Variants in CADPS observed in about 807,000 individuals in gnomAD.
The protein encoded by CADPS is calcium-dependent secretion activator 1.
In CADPS, 57 loss-of-function variants were observed where a neutral mutation model predicts 167.3. The observed-to-expected ratio is 0.34, with a 90% confidence interval of 0.28 to 0.42. CADPS has a LOEUF of 0.42. Among genes scored for constraint, CADPS ranks in the 20% least tolerant of loss-of-function variants. The probability of loss-of-function intolerance (pLI) is 1.00; values close to 1 mark genes in which losing one functional copy is unlikely to be tolerated. For synonymous variants in CADPS, 676 were observed against 635.3 expected (o/e 1.06, Z -0.96); for missense variants, 1,414 against 1,738.1 (o/e 0.81, Z 3.32).
intron 3 of CADPS, among the ~76,000 whole-genome samples, chr3:62,698,945 T>A (rs980031174): frequency 6.6e-6 from 1 of 151,760 alleles, no homozygotes; most frequent in Non-Finnish European, 1.5e-5. Context: ...TTTTGTTTTT[T>A]GTCACTACGG....
intron 17 of CADPS, among the ~76,000 whole-genome samples, chr3:62,506,495 T>C (rs548226416): frequency 6.6e-6 from 1 of 152,362 alleles, no homozygotes; most frequent in Admixed American, 6.5e-5. Context: ...GTAATGGTTT[T>C]TCTTCTCTAA....
chr3:62,688,661 C>T (rs988677723), intron 3 of CADPS, among the ~76,000 whole-genome samples: 1 of 152,098 alleles, frequency 6.6e-6, no homozygotes, highest in Admixed American at 6.5e-5. Context: ...AAATACCTTC[C>T]TGTCCTAGTC....
In CADPS at chr3:62,432,694, C is replaced by T. The variant is rs531970190; in HGVS notation, c.3777+5410G>A. The stretch of plus-strand genomic sequence containing the variant: ...GCTGCAGATTCATATGGCATTTCAC[C>T]CTCATAATAACTCCACGATTATCAT... On this transcript the variant is annotated intron_variant, in intron 28 of 29. Coordinates refer to ENST00000383710, the MANE Select transcript of CADPS (RefSeq NM_003716.4). Among the ~76,000 whole-genome samples, 6 of 152,244 alleles carry T rather than the reference C, an allele frequency of 3.9e-5. No individual in the cohort carries two copies. In the South Asian group the frequency reaches 1.2e-3, roughly 32 times the overall value.
chr3:62,711,776 T>C (rs910177766), intron 3 of CADPS, among the ~76,000 whole-genome samples: 2 of 152,238 alleles, frequency 1.3e-5, no homozygotes, highest in Non-Finnish European at 2.9e-5. Context: ...GTTTGTTTAT[T>C]GATTCATTCA....
intron 1 of CADPS, among the ~76,000 whole-genome samples, chr3:62,773,830 G>T (rs2089570353): frequency 6.6e-6 from 1 of 151,950 alleles, no homozygotes; most frequent in South Asian, 2.1e-4. Flanking sequence ...AAAAAATTTA[G>T]GGTAGCAGCT....
intron 6 of CADPS, among the ~76,000 whole-genome samples, chr3:62,607,546 G>C (rs1030616981): frequency 2.0e-5 from 3 of 152,196 alleles, no homozygotes; most frequent in Non-Finnish European, 4.4e-5. Flanking sequence ...GTCTCTGAAT[G>C]GGGACCCAAA....
intron 3 of CADPS, among the ~76,000 whole-genome samples, chr3:62,698,373 A>C (rs2080738223): frequency 6.6e-6 from 1 of 152,100 alleles, no homozygotes; most frequent in South Asian, 2.1e-4. Context: ...TGTGTGACAC[A>C]GTTCTTCTGG....
intron 10 of CADPS, among the ~76,000 whole-genome samples, chr3:62,554,900 G>T (rs1026325517): frequency 6.6e-6 from 1 of 151,988 alleles, no homozygotes; most frequent in Non-Finnish European, 1.5e-5. Flanking sequence ...TTACAGGTGC[G>T]TGCCACCACG....
intron 6 of CADPS, among the ~76,000 whole-genome samples, chr3:62,609,501 C>T (rs2061188546): frequency 6.6e-6 from 1 of 152,140 alleles, no homozygotes; most frequent in African/African-American, 2.4e-5. Flanking sequence ...TCTAGAGATG[C>T]TGTGGTTATA....
At chr3:62,437,355 T>C (rs1560370053) in intron 28 of CADPS, among the ~76,000 whole-genome samples, 1 of 151,578 alleles carries the variant, frequency 6.6e-6, no homozygotes, top group East Asian at 1.9e-4. Flanking sequence ...TTTTTTTTTT[T>C]TTTTCTTTTT....
chr3:62,753,845 C>A lies in CADPS; in HGVS notation c.556-72G>T. The A allele has an allele frequency of 3.5e-6, 5 of 1,421,498 alleles. No individual in the cohort carries two copies. The highest frequency in any genetic ancestry group is 4.8e-6 in the Non-Finnish European group (5 of 1,046,388). The allele number at this position is 1,421,498 out of a possible 1,614,324, so 88.1% of individuals were successfully genotyped here. ...GAGGTACCAGTTCCCTGGGGCTGGACACTGGGCCAGTCCACCTCACGTGCA... is the reference window on the plus strand; with the variant it reads ...GAGGTACCAGTTCCCTGGGGCTGGAAACTGGGCCAGTCCACCTCACGTGCA... On this transcript the variant is annotated intron_variant, in intron 2 of 29. Transcript: ENST00000383710. This position sits in a 1 kb window ranked among gnomAD's most constrained non-coding sequence, Gnocchi z 4.6.
chr3:62,665,598 G>A (rs2074259044), intron 3 of CADPS, among the ~76,000 whole-genome samples: 1 of 152,178 alleles, frequency 6.6e-6, no homozygotes, highest in Non-Finnish European at 1.5e-5. Context: ...ACCTCACTTT[G>A]TTCCTTGTAG....
At chr3:62,778,517 A>C (rs910665937) in intron 1 of CADPS, among the ~76,000 whole-genome samples, 1 of 152,154 alleles carries the variant, frequency 6.6e-6, no homozygotes. Context: ...CCTCTGAATG[A>C]TACCTCTTTA....
intron 6 of CADPS, among the ~76,000 whole-genome samples, chr3:62,632,365 T>C (rs755041413): frequency 4.5e-4 from 68 of 152,174 alleles, no homozygotes; most frequent in Non-Finnish European, 9.1e-4. Context: ...TTTAAAAATG[T>C]AGCCAATAAT....
chr3:62,747,908 G>A (rs964608896), intron 3 of CADPS, among the ~76,000 whole-genome samples: 2 of 152,020 alleles, frequency 1.3e-5, no homozygotes, highest in African/African-American at 2.4e-5. Context: ...ACCAGAAATG[G>A]CATTTTCAAA....
At position 62,855,635 on chromosome 3, in the gene CADPS, G is replaced by C. The variant is rs556344454; in HGVS notation, c.441+18954C>G. Among the ~76,000 whole-genome samples, 86 of 152,228 alleles carry C rather than the reference G, an allele frequency of 5.6e-4. 1 individual carries two copies. Among genetic ancestry groups the C allele is most frequent in the Middle Eastern group, 3.4e-3 (1 of 294 alleles). On this transcript the variant is annotated intron_variant, in intron 1 of 29. Transcript: ENST00000383710. The stretch of plus-strand genomic sequence containing the variant: ...ATGGTTAACTTAAAAATATTTAGCT[G>C]AAGTAGCAAGTCACAAAACGTAAGT...
rs759341357 is a variant in CADPS, at chr3:62,466,659, A to G, written c.3478-246T>C. On this transcript the variant is annotated intron_variant, in intron 24 of 29. Transcript: ENST00000383710. ...GGCTTTCGATGCTTCTAATGTGTGT[A>G]GACACTTAAACACTTTTACAAATAG... The G allele has an allele frequency of 2.1e-4, 106 of 514,602 alleles. 1 individual carries two copies. Among genetic ancestry groups the G allele is most frequent in the Non-Finnish European group, 3.5e-5 (10 of 285,104 alleles). 31.9% of individuals were successfully genotyped at this position (514,602 alleles called of 1,614,324 possible).
chr3:62,658,799 T>G (rs2072397067), intron 4 of CADPS, among the ~76,000 whole-genome samples: 1 of 152,184 alleles, frequency 6.6e-6, no homozygotes, highest in East Asian at 1.9e-4. Context: ...TGTAGATTGG[T>G]TAACTGCACC....
chr3:62,481,962 G>A, intron 21 of CADPS, 93 bp from the exon 22 acceptor site: 1 of 1,283,856 alleles, frequency 7.8e-7, no homozygotes, highest in Non-Finnish European at 1.1e-6. Flanking sequence ...AATTGACCAA[G>A]TCCACAGCAA....
Sources: gnomAD v4.1 joint callset for allele counts (sites outside exome capture counted in the v4.1 genomes callset) on GRCh38, gnomAD v4.1.1 for gene constraint, Gnocchi (gnomAD v3.1) non-coding constraint, MANE v1.5 for transcripts, NCBI Gene and HGNC (gene_info 2026-07-23, HGNC 2026-07-21) for gene names.